SLC25A21: variants seen among roughly 807,000 people sequenced by gnomAD.
The protein encoded by SLC25A21 is mitochondrial 2-oxodicarboxylate carrier.
A neutral mutation model predicts 43.8 loss-of-function variants in SLC25A21; 47 were observed. The ratio of observed to expected loss-of-function variants is 1.07; its 90% confidence interval spans 0.85 to 1.37. The LOEUF (loss-of-function observed/expected upper bound fraction) is 1.37, where lower values mean the gene tolerates loss of function less well. SLC25A21 is among the 40% of genes most tolerant of loss of function. The pLI is 0.00. For synonymous variants in SLC25A21, 131 were observed against 121.3 expected (o/e 1.08, Z -0.52); for missense variants, 352 against 350.2 (o/e 1.00, Z -0.04).
intron 3 of SLC25A21, among the ~76,000 whole-genome samples, chr14:36,784,118 C>A (rs1205144898): frequency 6.6e-6 from 1 of 152,162 alleles, no homozygotes; most frequent in Admixed American, 6.6e-5. Flanking sequence ...GTTATTAGTT[C>A]TAAGCAAAGG....
intron 1 of SLC25A21, among the ~76,000 whole-genome samples, chr14:37,023,168 C>T (rs1239120171): frequency 6.6e-6 from 1 of 151,968 alleles, no homozygotes; most frequent in Non-Finnish European, 1.5e-5. Flanking sequence ...CATTCTATAA[C>T]CATCTTTGCT....
rs1013884309 is a variant in SLC25A21 at position 36,730,020 on chromosome 14, T to C, written c.271-454A>G. ...CTTAACTTGCATTTCTATTGTGGTGTCTCCCCACTGCTCCATGGAATTGAA... is the reference window on the plus strand; with the variant it reads ...CTTAACTTGCATTTCTATTGTGGTGCCTCCCCACTGCTCCATGGAATTGAA... On this transcript the variant is annotated intron_variant, in intron 4 of 9. Coordinates refer to ENST00000331299, the MANE Select transcript of SLC25A21 (RefSeq NM_030631.4). Among the ~76,000 whole-genome samples the C allele has an allele frequency of 3.9e-4, 59 of 152,260 alleles. 1 individual carries two copies. The highest frequency in any genetic ancestry group is 7.2e-4 in the Admixed American group (11 of 15,296).
intron 1 of SLC25A21, among the ~76,000 whole-genome samples, chr14:37,086,313 A>G (rs1457379168): frequency 6.6e-6 from 1 of 152,152 alleles, no homozygotes; most frequent in Non-Finnish European, 1.5e-5. Flanking sequence ...ACAATCACAC[A>G]TGGTATAAAC....
At chr14:37,070,411 C>T (rs1430966352) in intron 1 of SLC25A21, among the ~76,000 whole-genome samples, 3 of 152,144 alleles carry the variant, frequency 2.0e-5, no homozygotes, top group African/African-American at 7.2e-5. Context: ...CTCTTTTAAA[C>T]TTCTGCAAAT....
intron 3 of SLC25A21, among the ~76,000 whole-genome samples, chr14:36,769,322 G>T (rs1886533858): frequency 6.6e-6 from 1 of 152,202 alleles, no homozygotes; most frequent in South Asian, 2.1e-4. Context: ...GGGCAGGCAT[G>T]TTCTTCCTCT....
intron 1 of SLC25A21, among the ~76,000 whole-genome samples, chr14:37,135,536 A>C (rs1355072683): frequency 6.6e-6 from 1 of 152,198 alleles, no homozygotes; most frequent in Non-Finnish European, 1.5e-5. Context: ...CAGAAAAACT[A>C]AAAATTCTAT....
At chr14:36,834,977 G>C (rs1202028527) in intron 2 of SLC25A21, among the ~76,000 whole-genome samples, 1 of 152,192 alleles carries the variant, frequency 6.6e-6, no homozygotes, top group Non-Finnish European at 1.5e-5. Flanking sequence ...TGGGAAATCA[G>C]ACTTTTTGTT....
chr14:36,868,927 C>G (rs1002867066), intron 2 of SLC25A21, among the ~76,000 whole-genome samples: 1 of 152,176 alleles, frequency 6.6e-6, no homozygotes, highest in African/African-American at 2.4e-5. Flanking sequence ...GTGGCTGCAT[C>G]CTGAGGCTCC....
intron 5 of SLC25A21, among the ~76,000 whole-genome samples, chr14:36,726,450 AAAGAAG>A: frequency 6.6e-6 from 1 of 152,166 alleles, no homozygotes; most frequent in East Asian, 1.9e-4. Context: ...ATAAAAAAAA[AAAGAAG>A]AAGAAGAAGA....
chr14:36,882,037 C>T (rs376099178), intron 1 of SLC25A21, among the ~76,000 whole-genome samples: 1 of 152,216 alleles, frequency 6.6e-6, no homozygotes, highest in African/African-American at 2.4e-5. Flanking sequence ...CCTTTCTCTA[C>T]AGTTCCATTG....
intron 2 of SLC25A21, among the ~76,000 whole-genome samples, chr14:36,846,947 A>G (rs1449541458): frequency 6.6e-6 from 1 of 152,118 alleles, no homozygotes; most frequent in Non-Finnish European, 1.5e-5. Context: ...ATTTTCTCCT[A>G]AGTTTGTGGA....
intron 1 of SLC25A21, among the ~76,000 whole-genome samples, chr14:37,036,683 C>T (rs959781220): frequency 6.6e-6 from 1 of 152,154 alleles, no homozygotes; most frequent in African/African-American, 2.4e-5. Context: ...GTTTATTTTT[C>T]TACCCATTCC....
At chr14:37,016,859 G>A (rs981042988) in intron 1 of SLC25A21, among the ~76,000 whole-genome samples, 1 of 151,976 alleles carries the variant, frequency 6.6e-6, no homozygotes, top group Non-Finnish European at 1.5e-5. Context: ...CAAACCTCCT[G>A]AACCAATCTC....
At chr14:36,838,289 T>C (rs571106482) in intron 2 of SLC25A21, among the ~76,000 whole-genome samples, 29 of 152,322 alleles carry the variant, frequency 1.9e-4, no homozygotes, top group African/African-American at 6.7e-4. Context: ...TGCCTTCGTC[T>C]GGAAGAGTGA....
chr14:37,059,317 C>T (rs1377186473), intron 1 of SLC25A21, among the ~76,000 whole-genome samples: 1 of 152,086 alleles, frequency 6.6e-6, no homozygotes, highest in Non-Finnish European at 1.5e-5. Flanking sequence ...GTAACCTGTC[C>T]AAGGTTACAC....
At chr14:36,736,048 G>C (rs1316379149) in intron 3 of SLC25A21, among the ~76,000 whole-genome samples, 3 of 145,790 alleles carry the variant, frequency 2.1e-5, no homozygotes, top group African/African-American at 7.7e-5. Flanking sequence ...CCATTCTCCT[G>C]CCTCAGCCTC....
Position 36,977,237 on chromosome 14 carries a change from G to T in SLC25A21, c.71-102233C>A, listed in dbSNP as rs150377611. ...AATAGTTTTCGTTTTGTAATTATCG[G>T]GGGAAGGAGAAAGATTTGGCTCCTT... is the stretch of plus-strand genomic sequence containing the variant. On this transcript the variant is annotated intron_variant, in intron 1 of 9. Transcript: ENST00000331299. 2.0e-3 allele frequency among the ~76,000 whole-genome samples: 301 copies of T among 152,172 alleles called. 1 individual carries two copies. Among genetic ancestry groups the T allele is most frequent in the Middle Eastern group, 0.01 (3 of 294 alleles).
At chr14:36,699,831 C>T (rs1883201530) in intron 7 of SLC25A21, among the ~76,000 whole-genome samples, 1 of 152,120 alleles carries the variant, frequency 6.6e-6, no homozygotes, top group Non-Finnish European at 1.5e-5. Context: ...CGGGAGTGCC[C>T]CGTTTTTCCA....
chr14:36,774,431 G>C (rs1380831179), intron 3 of SLC25A21, among the ~76,000 whole-genome samples: 2 of 152,202 alleles, frequency 1.3e-5, no homozygotes, highest in Non-Finnish European at 2.9e-5. Context: ...TACTTTTCCT[G>C]AGATTACTTC....
Sources: gnomAD v4.1 joint callset for allele counts (sites outside exome capture counted in the v4.1 genomes callset) on GRCh38, gnomAD v4.1.1 for gene constraint, MANE v1.5 for transcripts, NCBI Gene and HGNC (gene_info 2026-07-23, HGNC 2026-07-21) for gene names.